The following GRID1 variants were observed in gnomAD, a reference collection of about 807,000 sequenced individuals.
GRID1 encodes glutamate receptor ionotropic, delta-1.
GRID1 carries 28 observed loss-of-function variants against 98.0 expected under a neutral mutation model. The observed-to-expected ratio is 0.29, with a 90% CI of 0.21 to 0.39. The LOEUF is 0.39. GRID1 is among the 10% of genes least tolerant of loss of function. The pLI is 1.00. For missense variants in GRID1, 1,111 were observed against 1,340.5 expected (o/e 0.83, Z 2.67); for synonymous variants, 553 against 538.5 (o/e 1.03, Z -0.37).
intron 4 of GRID1, among the ~76,000 whole-genome samples, chr10:86,022,916 T>C (rs1486801361): frequency 7.7e-6 from 1 of 130,032 alleles, no homozygotes. Context: ...AGACTCCATC[T>C]CAAAAAAAAA....
rs147826442 is a variant in GRID1 at position 86,139,022 on chromosome 10, T to C, written c.523A>G (p.Ile175Val). ...FVMFYDSEYDIRGLQSFLDQA... is the reference protein window; with the variant it reads ...FVMFYDSEYDVRGLQSFLDQA... ...TCCAGAAAGCTTTGAAGCCCACGGA[T>C]ATCTGAGCAGTGAGAGAAGAGGAGG... The change falls in exon 4 of 16, where the codon ATC becomes GTC. Residue 175 changes from isoleucine to valine, a missense_variant and splice_region_variant. Ile to Val is a conservative substitution (Grantham distance 29, BLOSUM62 3). Transcript: ENST00000327946. 4 of 1,609,868 alleles carry C rather than the reference T, an allele frequency of 2.5e-6. No homozygotes were observed. The highest frequency in any genetic ancestry group is 2.6e-6 in the Non-Finnish European group (3 of 1,176,138).
At chr10:85,924,924 T>C (rs2352099) in intron 4 of GRID1, among the ~76,000 whole-genome samples, 47,121 of 152,170 alleles carry the variant, frequency 0.31, 7,508 homozygotes, top group South Asian at 0.41. Context: ...AGATCATTTG[T>C]GGATCCTTCA....
chr10:85,997,354 G>A (rs965519089), intron 4 of GRID1, among the ~76,000 whole-genome samples: 21 of 151,624 alleles, frequency 1.4e-4, no homozygotes, highest in Admixed American at 3.9e-4. Context: ...AGCCAAGATC[G>A]CGCCACTGTA....
At chr10:86,281,049 G>A (rs1847350360) in intron 2 of GRID1, among the ~76,000 whole-genome samples, 1 of 152,136 alleles carries the variant, frequency 6.6e-6, no homozygotes. Flanking sequence ...CTTGTTCCTT[G>A]TCTAATTCCT....
intron 3 of GRID1, among the ~76,000 whole-genome samples, chr10:86,182,784 A>G (rs1186032610): frequency 6.6e-6 from 1 of 152,198 alleles, no homozygotes; most frequent in African/African-American, 2.4e-5. Context: ...CCAGCAAGTC[A>G]GCACCGCTTG....
At chr10:85,715,905 CCTTT>C (rs1841633437) in intron 12 of GRID1, among the ~76,000 whole-genome samples, 1 of 106,314 alleles carries the variant, frequency 9.4e-6, no homozygotes, top group African/African-American at 3.9e-5. Context: ...ATAGAACTAA[CCTTT>C]TTTTTTTTTT....
chr10:85,871,050 C>T (rs1843273745), intron 5 of GRID1, among the ~76,000 whole-genome samples: 1 of 152,108 alleles, frequency 6.6e-6, no homozygotes, highest in African/African-American at 2.4e-5. Flanking sequence ...GGAACTACAA[C>T]AAAAATGGAA....
intron 12 of GRID1, among the ~76,000 whole-genome samples, chr10:85,662,209 C>CA (rs1464558873): frequency 6.6e-6 from 1 of 152,234 alleles, no homozygotes; most frequent in Non-Finnish European, 1.5e-5. Flanking sequence ...CTCACTGCCT[C>CA]ATCTGTGTTT....
intron 2 of GRID1, among the ~76,000 whole-genome samples, chr10:86,215,045 C>A (rs1846155262): frequency 6.6e-6 from 1 of 152,202 alleles, no homozygotes; most frequent in African/African-American, 2.4e-5. Context: ...TTAAAGCCAA[C>A]ACTCCTTCTA....
At chr10:86,067,269 A>T (rs1164394270) in intron 4 of GRID1, among the ~76,000 whole-genome samples, 1 of 152,168 alleles carries the variant, frequency 6.6e-6, no homozygotes, top group African/African-American at 2.4e-5. Flanking sequence ...TGCACGCTGG[A>T]GGGTTGGCCA....
chr10:86,206,854 C>T lies in GRID1; in HGVS notation c.236-206G>A, dbSNP rs1846033488. On this transcript the variant is annotated intron_variant, in intron 2 of 15. Coordinates refer to ENST00000327946, the MANE Select transcript of GRID1 (RefSeq NM_017551.3). The surrounding 1 kb of genome is among the most constrained non-coding windows in gnomAD (Gnocchi z 4.1). Reference sequence around the variant, plus strand: ...ATCCTTGGTGAAAATGCCAGCTATACATTCTTGTACCCATTTAACATGAGA... The same window carrying T: ...ATCCTTGGTGAAAATGCCAGCTATATATTCTTGTACCCATTTAACATGAGA... Among the ~76,000 whole-genome samples the T allele has an allele frequency of 6.6e-6, 1 of 152,212 alleles. No individual in the cohort carries two copies. The highest frequency in any genetic ancestry group is 2.1e-4 in the South Asian group (1 of 4,830).
At chr10:85,970,491 T>C (rs957558615) in intron 4 of GRID1, among the ~76,000 whole-genome samples, 1 of 152,080 alleles carries the variant, frequency 6.6e-6, no homozygotes, top group African/African-American at 2.4e-5. Flanking sequence ...AGATTTATCC[T>C]AGGAATGCAG....
chr10:85,919,601 T>C (rs931524674), intron 4 of GRID1, among the ~76,000 whole-genome samples: 1 of 152,196 alleles, frequency 6.6e-6, no homozygotes, highest in Non-Finnish European at 1.5e-5. Context: ...GTGGGCAATG[T>C]CCCTCCCAGC....
At chr10:86,300,420 T>C (rs2132081209) in intron 2 of GRID1, among the ~76,000 whole-genome samples, 1 of 146,314 alleles carries the variant, frequency 6.8e-6, no homozygotes, top group South Asian at 2.3e-4. Context: ...TCAGCTATGA[T>C]TGTACCACTT....
At position 86,178,680 on chromosome 10, in the gene GRID1, C is replaced by T. The variant is rs190720942; in HGVS notation, c.520+27684G>A. Among the ~76,000 whole-genome samples the T allele has an allele frequency of 4.2e-3, 638 of 152,312 alleles. 3 individuals are homozygous for T. The highest frequency in any genetic ancestry group is 6.9e-3 in the Non-Finnish European group (469 of 68,034). ...AACTAAGCGACTCCTCATTTCCATG[C>T]ATCAGACCCTGGGAGCCACCTCCAG... On this transcript the variant is annotated intron_variant, in intron 3 of 15. Transcript: ENST00000327946.
rs533511653 is a variant in GRID1 at position 86,357,850 on chromosome 10, G to T, written c.235+6091C>A. Among the ~76,000 whole-genome samples, 21 of 152,256 alleles carry T rather than the reference G, an allele frequency of 1.4e-4. No homozygotes were observed. The South Asian group carries it at 4.4e-3, about 32-fold the overall frequency. On this transcript the variant is annotated intron_variant, in intron 2 of 15. Coordinates refer to ENST00000327946, the MANE Select transcript of GRID1 (RefSeq NM_017551.3). ...TATCACTGGCAGTAGCCCTTGAGGG[G>T]ACCAGGAACAGCAGCTCTCTGTGGG... is the stretch of plus-strand genomic sequence containing the variant.
intron 2 of GRID1, among the ~76,000 whole-genome samples, chr10:86,304,911 C>T (rs906249606): frequency 1.3e-5 from 2 of 151,984 alleles, no homozygotes; most frequent in Non-Finnish European, 2.9e-5. Context: ...ATCTGGGTGG[C>T]GTTGTCCCTG....
At chr10:86,343,849 A>G (rs1478524254) in intron 2 of GRID1, among the ~76,000 whole-genome samples, 2 of 152,230 alleles carry the variant, frequency 1.3e-5, no homozygotes, top group African/African-American at 4.8e-5. Context: ...ACAAGTGTGT[A>G]TTTCAGTCTG....
At chr10:85,702,304 T>G (rs568413628) in intron 12 of GRID1, among the ~76,000 whole-genome samples, 1 of 151,948 alleles carries the variant, frequency 6.6e-6, no homozygotes, top group Non-Finnish European at 1.5e-5. Flanking sequence ...GTCATTAATA[T>G]TGCTAAAAGG....
Sources: gnomAD v4.1 joint callset for allele counts (sites outside exome capture counted in the v4.1 genomes callset) on GRCh38, gnomAD v4.1.1 for gene constraint, Gnocchi (gnomAD v3.1) non-coding constraint, MANE v1.5 for transcripts, NCBI Gene and HGNC (gene_info 2026-07-23, HGNC 2026-07-21) for gene names.